The following SYTL3 variants were observed in gnomAD, a reference collection of about 807,000 sequenced individuals.
SYTL3 encodes the protein synaptotagmin like 3.
A neutral mutation model predicts 82.1 loss-of-function variants in SYTL3; 88 were observed. The ratio of observed to expected loss-of-function variants is 1.07; its 90% CI spans 0.90 to 1.28. The LOEUF (loss-of-function observed/expected upper bound fraction) is 1.28. Ranked by LOEUF, SYTL3 falls within the 50% of genes most tolerant of loss-of-function variation. The pLI, the probability that SYTL3 is intolerant of heterozygous loss-of-function variation, is 0.00. For synonymous variants in SYTL3, 311 were observed against 289.4 expected, an observed-to-expected ratio of 1.07 and a Z score of -0.76; for missense variants, 831 against 757.6, an observed-to-expected ratio of 1.10 and a Z score of -1.14.
At chr6:158,653,207 A>G (rs750016172) in intron 2 of SYTL3, among the ~76,000 whole-genome samples, 3 of 152,000 alleles carry the variant, frequency 2.0e-5, no homozygotes, top group African/African-American at 4.8e-5. Context: ...CAGCTTCCGT[A>G]AAGAATCTAT....
chr6:158,646,304 T>A (rs1787455235), upstream of SYTL3, among the ~76,000 whole-genome samples: 1 of 152,118 alleles, frequency 6.6e-6, no homozygotes, highest in African/African-American at 2.4e-5. Context: ...CAGCTGGGAT[T>A]CCAGGCACTA....
chr6:158,752,566 G>T lies in SYTL3; in HGVS notation c.1137+536G>T, dbSNP rs575814720. 5.3e-4 allele frequency among the ~76,000 whole-genome samples: 80 copies of T among 152,316 alleles called. 1 individual carries two copies. In the South Asian group the frequency reaches 0.011, roughly 22 times the overall value. On this transcript the variant is annotated intron_variant, in intron 13 of 17. Coordinates refer to ENST00000611299, the MANE Select transcript of SYTL3 (RefSeq NM_001242394.2). ...CACTTTCTATGATACTAGGAAATGT[G>T]ATTGATGGTTGAGGGCAGAGATGGG...
At chr6:158,655,675 C>T (rs549060781) in intron 2 of SYTL3, among the ~76,000 whole-genome samples, 25 of 152,318 alleles carry the variant, frequency 1.6e-4, no homozygotes, top group Admixed American at 4.6e-4. Context: ...TACTTATGAG[C>T]TGAGCACTGT....
At chr6:158,760,809 G>A in intron 15 of SYTL3, 64 bp downstream of exon 15, 10 of 1,304,500 alleles carry the variant, frequency 7.7e-6, no homozygotes, top group Non-Finnish European at 1.1e-5. Flanking sequence ...GGTGCTGCAG[G>A]CAGACTGAGG....
chr6:158,723,163 C>G (rs1323360512), intron 10 of SYTL3, among the ~76,000 whole-genome samples: 3 of 137,518 alleles, frequency 2.2e-5, no homozygotes, highest in African/African-American at 8.3e-5. Flanking sequence ...GTCATGATCT[C>G]GACTCACTGC....
intron 10 of SYTL3, 86 bp from the exon 11 acceptor site, chr6:158,725,417 A>G (rs879666840): frequency 1.4e-6 from 2 of 1,480,980 alleles, no homozygotes; most frequent in Non-Finnish European, 1.8e-6. Flanking sequence ...ACATCAAGTC[A>G]TAGATGCTTG....
chr6:158,711,256 C>T lies in SYTL3; in HGVS notation c.517-2544C>T, dbSNP rs186030331. ...ATCACAGGCTTTTTGGTGAAGGAAC[C>T]GTTTCACAGATCTCTTCTGTTGTGT... is the stretch of plus-strand genomic sequence containing the variant. On this transcript the variant is annotated intron_variant, in intron 8 of 17. Transcript: ENST00000611299. Among the ~76,000 whole-genome samples the T allele has an allele frequency of 2.1e-3, 327 of 152,198 alleles. 1 individual carries two copies. The highest frequency in any genetic ancestry group is 7.0e-3 in the African/African-American group (291 of 41,530).
chr6:158,652,731 A>G (rs1398657725), intron 2 of SYTL3, among the ~76,000 whole-genome samples: 1 of 151,888 alleles, frequency 6.6e-6, no homozygotes, highest in Non-Finnish European at 1.5e-5. Context: ...TAGTAAAGAC[A>G]GGGTTTCACC....
chr6:158,675,806 C>T (rs930697389), intron 5 of SYTL3, among the ~76,000 whole-genome samples: 3 of 152,062 alleles, frequency 2.0e-5, no homozygotes, highest in Admixed American at 6.6e-5. Context: ...ATAAATTAGC[C>T]GGGCGCGGTG....
At chr6:158,724,521 C>T (rs377139339) in intron 10 of SYTL3, among the ~76,000 whole-genome samples, 1 of 152,178 alleles carries the variant, frequency 6.6e-6, no homozygotes, top group East Asian at 1.9e-4. Context: ...CCATTGTGTT[C>T]CAATGGAACT....
rs753928360 is a variant in SYTL3, at chr6:158,745,695, T to C, written c.1034+37T>C. 6 of 1,480,560 alleles carry C rather than the reference T, an allele frequency of 4.1e-6. No homozygotes were observed. In the South Asian group the frequency reaches 7.8e-5, roughly 19 times the overall value. The allele number at this position is 1,480,560 out of a possible 1,614,324, so 91.7% of individuals were successfully genotyped here. On this transcript the variant is annotated intron_variant, in intron 12 of 17. Transcript: ENST00000611299. ...TTTTTAAGTTTAACATGAGACATAT[T>C]GATTCCAAAATGTATATGAAAAAGT...
rs1454119159 is a variant in SYTL3, at chr6:158,683,193, A to G, written c.394+204A>G. Among the ~76,000 whole-genome samples, 4 of 124,914 alleles carry G rather than the reference A, an allele frequency of 3.2e-5. No homozygotes were observed. The Admixed American group carries it at 3.3e-4, about 10-fold the overall frequency. The allele number at this position is 124,914 out of a possible 152,430, so 81.9% of individuals were successfully genotyped here. ...CTACTCTTCCCTCTGCTGCATTTCT[A>G]CCTCTGAGGTTGGCCCTATTCCTTT... On this transcript the variant is annotated intron_variant, in intron 6 of 17. Transcript: ENST00000611299.
chr6:158,687,347 G>A (rs538937194), intron 6 of SYTL3, among the ~76,000 whole-genome samples: 21 of 152,290 alleles, frequency 1.4e-4, no homozygotes, highest in African/African-American at 4.8e-4. Context: ...ATGACATGGC[G>A]GCTGGCTTCT....
intron 10 of SYTL3, among the ~76,000 whole-genome samples, chr6:158,719,433 C>T (rs749062973): frequency 9.2e-5 from 14 of 152,092 alleles, no homozygotes; most frequent in African/African-American, 2.7e-4. Context: ...TCAGTAGCTG[C>T]GGGGTGGACG....
chr6:158,759,459 C>T (rs568591343), intron 14 of SYTL3, among the ~76,000 whole-genome samples: 4 of 152,328 alleles, frequency 2.6e-5, no homozygotes, highest in Admixed American at 2.0e-4. Context: ...TCAGTGCTGG[C>T]AGGAGCCATG....
chr6:158,722,147 TTTTGTTTGTTTG>T (rs144541246), intron 10 of SYTL3, among the ~76,000 whole-genome samples: 4 of 151,284 alleles, frequency 2.6e-5, no homozygotes, highest in South Asian at 2.1e-4. Context: ...AACTTTCTTT[TTTTGTTTGTTTG>T]TTTGTTTGTT....
At position 158,683,441 on chromosome 6, in the gene SYTL3, G is replaced by A. The variant is rs183239679; in HGVS notation, c.394+452G>A. 5.0e-3 allele frequency among the ~76,000 whole-genome samples: 755 copies of A among 152,002 alleles called. 9 individuals carry two copies. The highest frequency in any genetic ancestry group is 0.017 in the African/African-American group (711 of 41,470). On this transcript the variant is annotated intron_variant, in intron 6 of 17. Coordinates refer to ENST00000611299, the MANE Select transcript of SYTL3 (RefSeq NM_001242394.2). The stretch of plus-strand genomic sequence containing the variant: ...TCACCATGTTGGCCAGGATGGTCTC[G>A]ATCTCCTGACCTCATGATCCGCCCG...
In SYTL3 at chr6:158,738,891, C is replaced by T. The variant is rs189709905; in HGVS notation, c.856-6589C>T. ...CAGGCTGGTCTTGAACTCTTGACCT[C>T]TAGCGATCCACCTGCCTTGGCCTCC... On this transcript the variant is annotated intron_variant, in intron 11 of 17. Transcript: ENST00000611299. Among the ~76,000 whole-genome samples the T allele has an allele frequency of 3.9e-3, 600 of 152,342 alleles. 2 individuals are homozygous for T. Among genetic ancestry groups the T allele is most frequent in the Middle Eastern group, 0.017 (5 of 294 alleles).
intron 6 of SYTL3, among the ~76,000 whole-genome samples, chr6:158,702,971 G>A (rs186549619): frequency 7.7e-4 from 117 of 151,824 alleles, no homozygotes; most frequent in African/African-American, 2.5e-3. Context: ...TGGCTAATAC[G>A]GTGAAACCCC....
Sources: allele counts gnomAD v4.1 joint callset (sites outside exome capture counted in the v4.1 genomes callset), GRCh38; gene constraint gnomAD v4.1.1; transcripts MANE v1.5; gene names NCBI Gene and HGNC (gene_info 2026-07-23, HGNC 2026-07-21).